FER1L6: variants seen among roughly 807,000 people sequenced by gnomAD.
FER1L6 encodes fer-1 like family member 6, also known as fer-1-like protein 6.
FER1L6 carries 177 observed loss-of-function variants against 219.2 expected under a neutral mutation model. That is an observed-to-expected ratio of 0.81 (90% CI 0.71 to 0.91). The LOEUF is 0.91. Ranked by LOEUF, FER1L6 falls within the 40% of genes least tolerant of loss-of-function variation. The pLI, the probability that FER1L6 is intolerant of heterozygous loss-of-function variation, is 0.00. For missense variants in FER1L6, 2,153 were observed against 2,259.9 expected, an observed-to-expected ratio of 0.95 and a Z score of 0.96; for synonymous variants, 768 against 824.3, an observed-to-expected ratio of 0.93 and a Z score of 1.17.
Position 123,980,655 on chromosome 8 carries a change from C to T in FER1L6, c.1254C>T (p.Ala418=), listed in dbSNP as rs760684546. Residue 418 remains alanine (A), a synonymous_variant, in exon 11 of 41, where the codon GCC becomes GCT. Coordinates refer to ENST00000522917, the MANE Select transcript of FER1L6 (RefSeq NM_001039112.2). ...CACAGGAATCTAAATTTTCCAAGGCCCTGAAGGAGCTCAAGTTGCCTTCCA... is the reference window on the plus strand; with the variant it reads ...CACAGGAATCTAAATTTTCCAAGGCTCTGAAGGAGCTCAAGTTGCCTTCCA... ...GRAQESKFSK[A]LKELKLPSKD... is the part of the protein sequence containing the mutation. The T allele has an allele frequency of 4.3e-6, 7 of 1,613,926 alleles. No individual in the cohort carries two copies. In the East Asian group the frequency reaches 1.1e-4, roughly 26 times the overall value.
At chr8:123,871,385 G>A (rs534746063) in intron 1 of FER1L6, among the ~76,000 whole-genome samples, 43 of 152,204 alleles carry the variant, frequency 2.8e-4, no homozygotes, top group Non-Finnish European at 4.7e-4. Context: ...GTTGATTCTA[G>A]GACTGGTGCA....
intron 3 of FER1L6, 142 bp downstream of exon 3, chr8:123,963,540 G>T: frequency 3.4e-6 from 3 of 869,614 alleles, no homozygotes; most frequent in Non-Finnish European, 5.2e-6. Context: ...CAGGAAGACT[G>T]TGTCAGCTCA....
chr8:123,964,344 T>C (rs1187979782), intron 3 of FER1L6, among the ~76,000 whole-genome samples: 1 of 152,208 alleles, frequency 6.6e-6, no homozygotes, highest in Non-Finnish European at 1.5e-5. Flanking sequence ...CTCAAAGTTG[T>C]TACTATCAAT....
rs370232023 is a variant in FER1L6 at position 123,986,040 on chromosome 8, G to A, written c.1411-28G>A. The stretch of plus-strand genomic sequence containing the variant: ...CCTAATGAGAGAAAAAGCCAGTTCT[G>A]CCTAATAATTTTGTTTTCTTTCTGT... On this transcript the variant is annotated intron_variant, in intron 11 of 40. Transcript: ENST00000522917. 23 of 1,319,922 alleles carry A rather than the reference G, an allele frequency of 1.7e-5. No homozygotes were observed. The African/African-American group carries it at 3.2e-4, about 18-fold the overall frequency. The allele number at this position is 1,319,922 out of a possible 1,614,324, so 81.8% of individuals were successfully genotyped here.
intron 1 of FER1L6, among the ~76,000 whole-genome samples, chr8:123,941,320 T>C (rs1457533375): frequency 6.6e-6 from 1 of 152,138 alleles, no homozygotes; most frequent in African/African-American, 2.4e-5. Context: ...TTTCTGAGAA[T>C]GTGATGTTAA....
chr8:124,100,187 G>A (rs1289468606), intron 37 of FER1L6, among the ~76,000 whole-genome samples: 4 of 152,216 alleles, frequency 2.6e-5, no homozygotes, highest in South Asian at 4.2e-4. Flanking sequence ...GAAAGCACAC[G>A]GTTTGAAATT....
chr8:123,871,167 G>A (rs1014547404), intron 1 of FER1L6, among the ~76,000 whole-genome samples: 1 of 152,148 alleles, frequency 6.6e-6, no homozygotes, highest in African/African-American at 2.4e-5. Context: ...ATGAACTCGT[G>A]TTTACTTTAC....
At chr8:123,970,012 A>G (rs369858710) in intron 5 of FER1L6, 23 bp from the exon 6 acceptor site, 3 of 1,611,174 alleles carry the variant, frequency 1.9e-6, no homozygotes, top group Non-Finnish European at 2.5e-6. Flanking sequence ...GTTGATGACC[A>G]GAATGAACTT....
intron 1 of FER1L6, among the ~76,000 whole-genome samples, chr8:123,892,448 T>G (rs1275276438): frequency 6.6e-6 from 1 of 152,090 alleles, no homozygotes; most frequent in Non-Finnish European, 1.5e-5. Flanking sequence ...CCCGCCACCA[T>G]GCCCAGCTAA....
At chr8:123,908,666 C>T (rs1813000584) in intron 1 of FER1L6, among the ~76,000 whole-genome samples, 1 of 152,126 alleles carries the variant, frequency 6.6e-6, no homozygotes, top group Non-Finnish European at 1.5e-5. Context: ...TGTGGGAACA[C>T]ACAGATGAAT....
Position 123,905,369 on chromosome 8 carries a change from T to C in FER1L6, c.-7-50623T>C, listed in dbSNP as rs368609127. On this transcript the variant is annotated intron_variant, in intron 1 of 40. Transcript: ENST00000522917. ...TCCTGTGTTAGTTTGCTAAGGATTA[T>C]GGCTTCCAGCTTCATCCATGTCCCT... 3.4e-4 allele frequency among the ~76,000 whole-genome samples: 52 copies of C among 152,356 alleles called. 1 individual carries two copies. Among genetic ancestry groups the C allele is most frequent in the African/African-American group, 1.2e-3 (50 of 41,588 alleles).
intron 1 of FER1L6, among the ~76,000 whole-genome samples, chr8:123,952,556 T>C (rs1438577644): frequency 1.3e-5 from 2 of 152,300 alleles, no homozygotes; most frequent in East Asian, 3.9e-4. Context: ...GAAAGCCCTA[T>C]ACTTTTTGTG....
At chr8:124,109,256 A>C (rs145258214) in intron 39 of FER1L6, among the ~76,000 whole-genome samples, 34 of 152,324 alleles carry the variant, frequency 2.2e-4, no homozygotes, top group African/African-American at 7.9e-4. Context: ...TGGTTCAATC[A>C]GGTATGACGT....
chr8:123,863,762 G>A (rs1211964025), intron 1 of FER1L6, among the ~76,000 whole-genome samples: 2 of 148,090 alleles, frequency 1.4e-5, no homozygotes, highest in South Asian at 4.2e-4. Flanking sequence ...TTTGATCTTT[G>A]TTGGTTTAAA....
chr8:124,060,456 G>A lies in FER1L6; in HGVS notation c.2986-92G>A. 7 of 1,537,488 alleles carry A rather than the reference G, an allele frequency of 4.6e-6. No homozygotes were observed. In the East Asian group the frequency reaches 1.4e-4, roughly 30 times the overall value. On this transcript the variant is annotated intron_variant, in intron 23 of 40. Transcript: ENST00000522917. ...CTGGAGGAACACAGCGTGGTTCTCA[G>A]GGAGCAGGTCTAACTTTTCCACACA... is the stretch of plus-strand genomic sequence containing the variant.
intron 1 of FER1L6, among the ~76,000 whole-genome samples, chr8:123,935,254 C>T (rs1049714052): frequency 6.6e-6 from 1 of 151,772 alleles, no homozygotes; most frequent in Admixed American, 6.6e-5. Flanking sequence ...TGTTATAATC[C>T]ACTCTTATTT....
chr8:124,054,723 T>G (rs867963859), intron 22 of FER1L6, among the ~76,000 whole-genome samples: 1 of 152,160 alleles, frequency 6.6e-6, no homozygotes, highest in Non-Finnish European at 1.5e-5. Flanking sequence ...ATGCCCGGCA[T>G]GCTCAAGGAG....
intron 39 of FER1L6, among the ~76,000 whole-genome samples, chr8:124,112,916 G>T (rs2131029671): frequency 6.6e-6 from 1 of 152,098 alleles, no homozygotes; most frequent in East Asian, 1.9e-4. Flanking sequence ...AATTTGAAAA[G>T]CACAAAAAGG....
In FER1L6 at chr8:123,963,456, G is replaced by A. The variant is rs1285678777; in HGVS notation, c.197+58G>A. 9 of 1,590,760 alleles carry A rather than the reference G, an allele frequency of 5.7e-6. No homozygotes were observed. The South Asian group carries it at 7.8e-5, about 14-fold the overall frequency. The stretch of plus-strand genomic sequence containing the variant: ...TTGCTGAGCATCTCTTATGTGCCAA[G>A]CACCTCTACAGGTGCTGGGAGAAGA... On this transcript the variant is annotated intron_variant, in intron 3 of 40. Transcript: ENST00000522917.
Sources: allele counts gnomAD v4.1 joint callset (sites outside exome capture counted in the v4.1 genomes callset), GRCh38; gene constraint gnomAD v4.1.1; transcripts MANE v1.5; gene names NCBI Gene and HGNC (gene_info 2026-07-23, HGNC 2026-07-21).